Variants in MLLT10 observed in about 807,000 individuals in gnomAD.
MLLT10 encodes MLLT10 histone lysine methyltransferase DOT1L cofactor, also known as protein AF-10.
In MLLT10, 30 loss-of-function variants were observed where a neutral mutation model predicts 129.1. The observed-to-expected ratio is 0.23, with a 90% CI of 0.17 to 0.32. MLLT10 has a LOEUF of 0.32. MLLT10 is among the 10% of genes least tolerant of loss of function. The pLI is 1.00. For synonymous variants in MLLT10, 490 were observed against 446.4 expected, an observed-to-expected ratio of 1.10 and a Z score of -1.23; for missense variants, 1,119 against 1,268.3, an observed-to-expected ratio of 0.88 and a Z score of 1.79.
chr10:21,665,574 C>T (rs1392873178), intron 9 of MLLT10, among the ~76,000 whole-genome samples: 1 of 152,128 alleles, frequency 6.6e-6, no homozygotes, highest in Non-Finnish European at 1.5e-5. Context: ...AGGTGTGAGC[C>T]ACTGCGCCCA....
intron 3 of MLLT10, among the ~76,000 whole-genome samples, chr10:21,562,302 G>A (rs1006444115): frequency 1.3e-5 from 2 of 151,470 alleles, no homozygotes; most frequent in African/African-American, 2.4e-5. Context: ...TATTGAATGT[G>A]TAGATTGCTT....
At chr10:21,539,288 GA>G (rs968881853) in intron 3 of MLLT10, among the ~76,000 whole-genome samples, 20 of 151,922 alleles carry the variant, frequency 1.3e-4, no homozygotes, top group Non-Finnish European at 2.5e-4. Context: ...TGTGTAATGG[GA>G]AAAAAACCCA....
intron 11 of MLLT10, among the ~76,000 whole-genome samples, chr10:21,676,676 G>A (rs528019856): frequency 3.5e-4 from 41 of 118,272 alleles, no homozygotes; most frequent in Non-Finnish European, 5.1e-4. Context: ...AGCCGAGATC[G>A]GGCCACTGCA....
intron 4 of MLLT10, among the ~76,000 whole-genome samples, chr10:21,594,269 G>T (rs1223348583): frequency 2.0e-5 from 3 of 151,968 alleles, no homozygotes; most frequent in Non-Finnish European, 4.4e-5. Flanking sequence ...GTACCCTTCA[G>T]GCTGAGCGTG....
rs2044803082 is a variant in MLLT10 at position 21,612,951 on chromosome 10, T to C, written c.509+500T>C. 3.3e-5 allele frequency among the ~76,000 whole-genome samples: 5 copies of C among 152,232 alleles called. No homozygotes were observed. The South Asian group carries it at 1.0e-3, about 32-fold the overall frequency. On this transcript the variant is annotated intron_variant, in intron 6 of 22. Transcript: ENST00000307729. ...GCCCACACCTGTAATCCCAGCACTT[T>C]GGGAGGCCGAGGTGGGTGGATCACC...
chr10:21,742,643 G>A lies in MLLT10; in HGVS notation c.*660G>A, dbSNP rs1024930342. Reference sequence around the variant, plus strand: ...TGAGAATTGCTTTCTTTAGTGTTAAGACCTACTCATATTTTGAAGAAATCT... The same window carrying A: ...TGAGAATTGCTTTCTTTAGTGTTAAAACCTACTCATATTTTGAAGAAATCT... On this transcript the variant is annotated 3_prime_UTR_variant, in exon 23 of 23. Transcript: ENST00000307729. 4.5e-6 allele frequency: 1 copy of A among 222,440 alleles called. No homozygotes were observed. The highest frequency in any genetic ancestry group is 9.0e-6 in the Non-Finnish European group (1 of 111,414). 13.8% of individuals were successfully genotyped at this position (222,440 alleles called of 1,614,324 possible).
chr10:21,682,534 G>T (rs1164947146), intron 13 of MLLT10, among the ~76,000 whole-genome samples: 1 of 152,116 alleles, frequency 6.6e-6, no homozygotes, highest in African/African-American at 2.4e-5. Flanking sequence ...TTTACAAATG[G>T]TTTTTCTAGT....
chr10:21,554,754 C>T lies in MLLT10; in HGVS notation c.240+15842C>T, dbSNP rs1372912943. Among the ~76,000 whole-genome samples the T allele has an allele frequency of 4.6e-5, 7 of 151,752 alleles. No homozygotes were observed. The East Asian group carries it at 1.2e-3, about 25-fold the overall frequency. ...GGACTACAGGCTCTGAGCCACCGGGCCCGGCCCCTTCACTTTAATTTTTCA... is the reference window on the plus strand; with the variant it reads ...GGACTACAGGCTCTGAGCCACCGGGTCCGGCCCCTTCACTTTAATTTTTCA... On this transcript the variant is annotated intron_variant, in intron 3 of 22. Transcript: ENST00000307729.
intron 6 of MLLT10, among the ~76,000 whole-genome samples, chr10:21,613,584 A>G (rs1011198374): frequency 5.3e-5 from 8 of 152,238 alleles, no homozygotes; most frequent in African/African-American, 1.9e-4. Context: ...GATGGTGATT[A>G]GAAACTTCAG....
chr10:21,535,480 C>T (rs1354041121), intron 2 of MLLT10, among the ~76,000 whole-genome samples: 1 of 152,104 alleles, frequency 6.6e-6, no homozygotes, highest in East Asian at 1.9e-4. Flanking sequence ...GGGGTGGCCG[C>T]GGCAGGCCAC....
intron 21 of MLLT10, among the ~76,000 whole-genome samples, chr10:21,737,169 A>AGTGAGCCATAATC: frequency 6.6e-6 from 1 of 152,366 alleles, no homozygotes; most frequent in African/African-American, 2.4e-5. Context: ...TTGAGGGTGC[A>AGTGAGCCATAATC]GTGACACCTG....
intron 3 of MLLT10, among the ~76,000 whole-genome samples, chr10:21,543,666 A>G (rs900562634): frequency 1.3e-5 from 2 of 151,802 alleles, no homozygotes; most frequent in Non-Finnish European, 2.9e-5. Context: ...TTTAGTAGAG[A>G]TGGGGTTTCT....
At chr10:21,741,591 C>A (rs1833641376) in intron 22 of MLLT10, among the ~76,000 whole-genome samples, 1 of 152,170 alleles carries the variant, frequency 6.6e-6, no homozygotes, top group African/African-American at 2.4e-5. Flanking sequence ...AATGTGGAAT[C>A]ACAGCCGATG....
intron 20 of MLLT10, 113 bp downstream of exon 20, chr10:21,734,242 T>C (rs941155363): frequency 3.1e-6 from 4 of 1,289,268 alleles, no homozygotes; most frequent in Admixed American, 5.0e-5. Flanking sequence ...TTAAGAAGTC[T>C]GCCAAAAATT....
At chr10:21,555,385 G>A (rs2130971245) in intron 3 of MLLT10, among the ~76,000 whole-genome samples, 1 of 151,408 alleles carries the variant, frequency 6.6e-6, no homozygotes, top group South Asian at 2.1e-4. Flanking sequence ...ACCACGCCTG[G>A]CTAATTTTTG....
At chr10:21,699,871 C>T (rs2054736559) in intron 13 of MLLT10, among the ~76,000 whole-genome samples, 1 of 152,098 alleles carries the variant, frequency 6.6e-6, no homozygotes, top group African/African-American at 2.4e-5. Context: ...TCTTTCTTGG[C>T]TCCATACAAA....
At chr10:21,671,253 G>A (rs939453112) in intron 10 of MLLT10, among the ~76,000 whole-genome samples, 12 of 152,182 alleles carry the variant, frequency 7.9e-5, no homozygotes, top group Non-Finnish European at 1.5e-4. Flanking sequence ...CTGATCTCAG[G>A]TGATCCTCCC....
At chr10:21,641,982 G>C (rs1398509923) in intron 8 of MLLT10, among the ~76,000 whole-genome samples, 1 of 152,166 alleles carries the variant, frequency 6.6e-6, no homozygotes, top group African/African-American at 2.4e-5. Flanking sequence ...GTTGTTCTGA[G>C]GATCATGGTC....
In MLLT10 at chr10:21,651,944, G is replaced by A. The variant is rs190351141; in HGVS notation, c.795+176G>A. Among the ~76,000 whole-genome samples, 157 of 113,782 alleles carry A rather than the reference G, an allele frequency of 1.4e-3. 1 individual carries two copies. Among genetic ancestry groups the A allele is most frequent in the Middle Eastern group, 0.011 (1 of 94 alleles). The allele number at this position is 113,782 out of a possible 152,430, so 74.6% of individuals were successfully genotyped here. A position where few individuals can be genotyped will look rare whatever the true frequency, so the allele number is the denominator to read the frequency against. ...TTTTTTTTTTTTGAGATGGAGTCTCGCTCTGTCACCCAGGCTGGAGTGCTG... is the reference window on the plus strand; with the variant it reads ...TTTTTTTTTTTTGAGATGGAGTCTCACTCTGTCACCCAGGCTGGAGTGCTG... On this transcript the variant is annotated intron_variant, in intron 9 of 22. Transcript: ENST00000307729.
Sources: gnomAD v4.1 joint callset for allele counts (sites outside exome capture counted in the v4.1 genomes callset) on GRCh38, gnomAD v4.1.1 for gene constraint, MANE v1.5 for transcripts, NCBI Gene and HGNC (gene_info 2026-07-23, HGNC 2026-07-21) for gene names.